SH3GLB2: variants seen among roughly 807,000 people sequenced by gnomAD.
The protein encoded by SH3GLB2 is SH3 domain containing GRB2 like, endophilin B2.
A neutral mutation model predicts 48.0 loss-of-function variants in SH3GLB2; 24 were observed. The ratio of observed to expected loss-of-function variants is 0.50; its 90% CI spans 0.36 to 0.70. The LOEUF (loss-of-function observed/expected upper bound fraction) is 0.70, where lower values mean the gene tolerates loss of function less well. SH3GLB2 is among the 30% of genes least tolerant of loss of function. SH3GLB2 has a pLI of 0.00. For synonymous variants in SH3GLB2, 227 were observed against 207.6 expected (o/e 1.09, Z -0.80); for missense variants, 425 against 516.0 (o/e 0.82, Z 1.71).
In SH3GLB2 at chr9:129,008,667, G is replaced by A. The variant is rs756481001; in HGVS notation, c.*17C>T. 1.5e-5 allele frequency: 24 copies of A among 1,600,022 alleles called. No individual in the cohort carries two copies. In the Admixed American group the frequency reaches 3.5e-4, roughly 23 times the overall value. ...CTCCTGCCTAGGCCAGAATGCGGGG[G>A]GGATGGGGGCACCTGCCTAGCTGAG... On this transcript the variant is annotated 3_prime_UTR_variant, in exon 11 of 11. Transcript: ENST00000372564.
intron 3 of SH3GLB2, among the ~76,000 whole-genome samples, chr9:129,016,415 C>G (rs1316560902): frequency 7.0e-6 from 1 of 143,146 alleles, no homozygotes; most frequent in East Asian, 2.2e-4. Context: ...AATCCCAGCA[C>G]TTTGGAAGGC....
rs993675412 is a variant in SH3GLB2 at position 129,009,189 on chromosome 9, G to T, written c.997C>A (p.Pro333Thr). The T allele has an allele frequency of 6.2e-6, 10 of 1,611,284 alleles. No individual in the cohort carries two copies. Among genetic ancestry groups the T allele is most frequent in the African/African-American group, 1.3e-5 (1 of 75,032 alleles). The change falls in exon 10 of 11, where the codon CCT becomes ACT. Residue 333 changes from proline to threonine, a missense_variant. Pro to Thr is a conservative substitution (Grantham distance 38, BLOSUM62 -1). Transcript: ENST00000372564. ...CGAGCTTTGCGGGTCCCACTGGCAG[G>T]GGGGGCCACCTCTTCCAGGCAGAGC... Reference protein sequence around the residue: ...ASLCLEEVAPPASGTRKARVL... With the variant: ...ASLCLEEVAPTASGTRKARVL...
At chr9:129,010,722 C>T (rs1192136718) in intron 6 of SH3GLB2, 29 bp from the exon 7 acceptor site, 1 of 1,613,748 alleles carries the variant, frequency 6.2e-7, no homozygotes. Flanking sequence ...GAGTGGCCAG[C>T]AGGGGAGGGG....
At position 129,028,249 on chromosome 9, in the gene SH3GLB2, G is replaced by C; in HGVS notation, c.-95C>G. ...AACCGCACCCCGCCCACCTGCTGCG[G>C]GGCACCAGCCCTCCGCGCACCCGCC... On this transcript the variant is annotated 5_prime_UTR_variant, in exon 1 of 11. Transcript: ENST00000372564. The C allele has an allele frequency of 1.2e-6, 1 of 857,158 alleles. No homozygotes were observed. The highest frequency in any genetic ancestry group is 1.4e-6 in the Non-Finnish European group (1 of 705,424). The allele number at this position is 857,158 out of a possible 1,614,324, so 53.1% of individuals were successfully genotyped here.
At chr9:129,016,758 A>C (rs1481551065) in intron 3 of SH3GLB2, among the ~76,000 whole-genome samples, 2 of 152,196 alleles carry the variant, frequency 1.3e-5, no homozygotes, top group Admixed American at 1.3e-4. Flanking sequence ...ACTACCAGAC[A>C]AAATAGACTT....
At chr9:129,013,938 G>A (rs1388448128) in intron 5 of SH3GLB2, 15 of 444,848 alleles carry the variant, frequency 3.4e-5, no homozygotes, top group Non-Finnish European at 6.8e-5. Context: ...CCAATCTCAT[G>A]GGACCCCTCG....
chr9:129,010,526 C>G (rs919848437), intron 7 of SH3GLB2, 144 bp downstream of exon 7: 2 of 930,636 alleles, frequency 2.1e-6, no homozygotes, highest in Non-Finnish European at 3.4e-6. Flanking sequence ...AGAGGGGAAA[C>G]TGAGGCCCAG....
chr9:129,021,365 G>A (rs1368692320), intron 2 of SH3GLB2, 146 bp from the exon 3 acceptor site: 22 of 1,018,734 alleles, frequency 2.2e-5, no homozygotes, highest in Non-Finnish European at 2.8e-5. Flanking sequence ...CCAACCCTGA[G>A]ACTGTTGTGA....
intron 9 of SH3GLB2, 113 bp from the exon 10 acceptor site, chr9:129,009,459 C>A: frequency 2.6e-6 from 4 of 1,549,686 alleles, no homozygotes; most frequent in Non-Finnish European, 3.5e-6. Flanking sequence ...TCACATGGCA[C>A]CCTGGGAGCT....
intron 7 of SH3GLB2, 78 bp downstream of exon 7, chr9:129,010,592 C>T: frequency 1.3e-6 from 2 of 1,525,948 alleles, no homozygotes; most frequent in Non-Finnish European, 1.8e-6. Context: ...AGAAACAGAT[C>T]AGACCCCACA....
rs1351680743 is a variant in SH3GLB2 at position 129,008,679 on chromosome 9, C to T, written c.*5G>A. 1.2e-6 allele frequency: 2 copies of T among 1,613,020 alleles called. No homozygotes were observed. Among genetic ancestry groups the T allele is most frequent in the South Asian group, 1.1e-5 (1 of 91,032 alleles). ...CCAGAATGCGGGGGGGATGGGGGCA[C>T]CTGCCTAGCTGAGCAGTTCCAAGTA... is the stretch of plus-strand genomic sequence containing the variant. On this transcript the variant is annotated 3_prime_UTR_variant, in exon 11 of 11. Transcript: ENST00000372564.
intron 1 of SH3GLB2, among the ~76,000 whole-genome samples, chr9:129,025,336 G>A (rs1844087264): frequency 6.6e-6 from 1 of 151,780 alleles, no homozygotes; most frequent in Non-Finnish European, 1.5e-5. Flanking sequence ...GCCGAGGCAG[G>A]AGGATCACTT....
At chr9:129,024,711 T>TA (rs1010569748) in intron 1 of SH3GLB2, among the ~76,000 whole-genome samples, 3 of 136,868 alleles carry the variant, frequency 2.2e-5, no homozygotes, top group South Asian at 2.3e-4. Context: ...GAACCTGCCT[T>TA]AAAAAAAGAA....
intron 1 of SH3GLB2, among the ~76,000 whole-genome samples, chr9:129,026,265 T>TC (rs1844155875): frequency 6.6e-6 from 1 of 152,142 alleles, no homozygotes; most frequent in South Asian, 2.1e-4. Flanking sequence ...ACTGGGAGGT[T>TC]CCTGAGCCCA....
chr9:129,024,669 G>A (rs1253990924), intron 1 of SH3GLB2, among the ~76,000 whole-genome samples: 4 of 151,704 alleles, frequency 2.6e-5, no homozygotes, highest in Non-Finnish European at 4.4e-5. Context: ...CCAATATCAT[G>A]TCACTGCACT....
chr9:129,020,592 G>A (rs1414543627), intron 3 of SH3GLB2, among the ~76,000 whole-genome samples: 2 of 151,768 alleles, frequency 1.3e-5, no homozygotes, highest in Non-Finnish European at 2.9e-5. Flanking sequence ...AATAGGCCGG[G>A]CGCGGTGGCT....
intron 1 of SH3GLB2, among the ~76,000 whole-genome samples, chr9:129,027,607 C>T (rs1366484569): frequency 6.6e-6 from 1 of 152,228 alleles, no homozygotes; most frequent in Non-Finnish European, 1.5e-5. Context: ...TCCGGCCTGA[C>T]TATCCAAACG....
intron 3 of SH3GLB2, among the ~76,000 whole-genome samples, chr9:129,017,570 C>T (rs1009385927): frequency 6.6e-6 from 1 of 151,754 alleles, no homozygotes; most frequent in Admixed American, 6.6e-5. Context: ...TTGAGACCAG[C>T]CTGGCCAACA....
rs1843288335 is a variant in SH3GLB2, at chr9:129,014,166, C to T, written c.561+245G>A. 1.6e-6 allele frequency: 1 copy of T among 627,214 alleles called. No homozygotes were observed. Among genetic ancestry groups the T allele is most frequent in the Admixed American group, 2.3e-5 (1 of 43,534 alleles). The allele number at this position is 627,214 out of a possible 1,614,324, so 38.9% of individuals were successfully genotyped here. ...CCAGCTGCCTGGCGGGGTGGTGCAC[C>T]CAGCTGGGGGCACTGCTGGTCCGCC... On this transcript the variant is annotated intron_variant, in intron 5 of 10. Transcript: ENST00000372564. The surrounding 1 kb of genome is among the most constrained non-coding windows in gnomAD (Gnocchi z 4.1).
Sources: allele counts gnomAD v4.1 joint callset (sites outside exome capture counted in the v4.1 genomes callset), GRCh38; gene constraint gnomAD v4.1.1; non-coding constraint Gnocchi (gnomAD v3.1); transcripts MANE v1.5; gene names NCBI Gene and HGNC (gene_info 2026-07-23, HGNC 2026-07-21).